FGGY: variants seen among roughly 807,000 people sequenced by gnomAD.
FGGY encodes FGGY carbohydrate kinase domain containing.
A neutral mutation model predicts 71.3 loss-of-function variants in FGGY; 72 were observed. That is an observed-to-expected ratio of 1.01 (90% CI 0.84 to 1.23). The LOEUF is 1.23. FGGY is among the 50% of genes most tolerant of loss of function. FGGY has a pLI of 0.00. For synonymous variants in FGGY, 251 were observed against 250.3 expected, an observed-to-expected ratio of 1.00 and a Z score of -0.02; for missense variants, 668 against 682.3, an observed-to-expected ratio of 0.98 and a Z score of 0.23.
rs184002775 is a variant in FGGY at position 59,574,783 on chromosome 1, T to C, written c.903+20556T>C. 1.3e-3 allele frequency among the ~76,000 whole-genome samples: 198 copies of C among 152,272 alleles called. 1 individual carries two copies. The highest frequency in any genetic ancestry group is 2.1e-3 in the South Asian group (10 of 4,826). On this transcript the variant is annotated intron_variant, in intron 8 of 15. Coordinates refer to ENST00000303721, the MANE Select transcript of FGGY (RefSeq NM_018291.5). ...ATAGAGAAATATATTTGACTTTTTT[T>C]AGAAAGTAAATTATTTGTTAATATG...
intron 14 of FGGY, among the ~76,000 whole-genome samples, chr1:59,687,262 C>T (rs1417311458): frequency 6.6e-6 from 1 of 152,138 alleles, no homozygotes; most frequent in Non-Finnish European, 1.5e-5. Flanking sequence ...AGCTCCCAGC[C>T]TCTCTCAGAT....
chr1:59,749,201 A>C (rs1398752073), intron 14 of FGGY, among the ~76,000 whole-genome samples: 1 of 152,102 alleles, frequency 6.6e-6, no homozygotes, highest in Non-Finnish European at 1.5e-5. Context: ...TTTATCCTTT[A>C]TAATAAACTG....
chr1:59,608,506 A>G (rs1350362223), intron 9 of FGGY, among the ~76,000 whole-genome samples: 1 of 152,134 alleles, frequency 6.6e-6, no homozygotes, highest in Non-Finnish European at 1.5e-5. Context: ...TTGGTTACTA[A>G]TCCCCTTTTC....
intron 9 of FGGY, among the ~76,000 whole-genome samples, chr1:59,612,420 G>A (rs375626681): frequency 1.2e-3 from 181 of 152,188 alleles, no homozygotes; most frequent in Non-Finnish European, 2.0e-3. Flanking sequence ...AAGGAGAAAT[G>A]AAATACTTTA....
At chr1:59,458,827 G>A (rs2091944687) in intron 6 of FGGY, among the ~76,000 whole-genome samples, 1 of 152,164 alleles carries the variant, frequency 6.6e-6, no homozygotes, top group Non-Finnish European at 1.5e-5. Flanking sequence ...TGTAGTTTCA[G>A]TCTGAACCCA....
chr1:59,658,203 TC>T (rs1338931115), intron 11 of FGGY, among the ~76,000 whole-genome samples: 1 of 152,170 alleles, frequency 6.6e-6, no homozygotes, highest in Non-Finnish European at 1.5e-5. Context: ...TTCTCTGTGT[TC>T]CCTTAGGCAC....
intron 7 of FGGY, among the ~76,000 whole-genome samples, chr1:59,549,806 C>T (rs1256464464): frequency 1.3e-5 from 2 of 152,092 alleles, no homozygotes; most frequent in Non-Finnish European, 2.9e-5. Flanking sequence ...AGTAGGGACT[C>T]AATGCTTGGG....
At chr1:59,428,475 C>A (rs893085086) in intron 5 of FGGY, among the ~76,000 whole-genome samples, 1 of 152,196 alleles carries the variant, frequency 6.6e-6, no homozygotes, top group South Asian at 2.1e-4. Flanking sequence ...TAATTAGATG[C>A]CAGTGTGTAT....
chr1:59,421,384 A>C (rs1213552240), intron 5 of FGGY, among the ~76,000 whole-genome samples: 5 of 152,138 alleles, frequency 3.3e-5, no homozygotes, highest in Non-Finnish European at 5.9e-5. Flanking sequence ...ATACATGCTG[A>C]AATATTTACA....
At chr1:59,413,997 C>A (rs1447844009) in intron 5 of FGGY, among the ~76,000 whole-genome samples, 1 of 152,034 alleles carries the variant, frequency 6.6e-6, no homozygotes, top group Non-Finnish European at 1.5e-5. Context: ...AGTGCTGGAC[C>A]CTTCTACATG....
At chr1:59,445,611 C>T (rs919706561) in intron 5 of FGGY, among the ~76,000 whole-genome samples, 9 of 152,218 alleles carry the variant, frequency 5.9e-5, no homozygotes, top group African/African-American at 2.2e-4. Context: ...GCCTATGGCA[C>T]ACATCTCCCG....
At chr1:59,561,234 A>G (rs1220599365) in intron 8 of FGGY, among the ~76,000 whole-genome samples, 1 of 152,288 alleles carries the variant, frequency 6.6e-6, no homozygotes, top group Non-Finnish European at 1.5e-5. Flanking sequence ...ACACCTAACA[A>G]TGAAAGTGCT....
intron 8 of FGGY, among the ~76,000 whole-genome samples, chr1:59,569,157 T>C (rs1172017253): frequency 6.6e-6 from 1 of 152,204 alleles, no homozygotes; most frequent in East Asian, 1.9e-4. Flanking sequence ...ATTCTGTGTA[T>C]AAACTTTCTA....
rs756558280 is a variant in FGGY at position 59,727,312 on chromosome 1, TTA to T, written c.1513-30615_1513-30614del. On this transcript the variant is annotated intron_variant, in intron 14 of 15. Coordinates refer to ENST00000303721, the MANE Select transcript of FGGY (RefSeq NM_018291.5). ...CACCATTGATGAACACCTAGGTTGATTATATGTCTTCACTATTATGAATAGCA... is the reference window on the plus strand; with the variant it reads ...CACCATTGATGAACACCTAGGTTGATTATGTCTTCACTATTATGAATAGCA... Among the ~76,000 whole-genome samples the T allele has an allele frequency of 2.8e-4, 42 of 152,328 alleles. 1 individual carries two copies. The highest frequency in any genetic ancestry group is 6.8e-3 in the Middle Eastern group (2 of 294).
At chr1:59,307,906 A>G (rs1455579594) in intron 1 of FGGY, among the ~76,000 whole-genome samples, 2 of 152,190 alleles carry the variant, frequency 1.3e-5, no homozygotes, top group African/African-American at 2.4e-5. Flanking sequence ...GTTTGTTCCT[A>G]TCAAGAACAA....
chr1:59,349,187 C>A (rs1219924147), intron 4 of FGGY, among the ~76,000 whole-genome samples: 1 of 152,148 alleles, frequency 6.6e-6, no homozygotes, highest in Non-Finnish European at 1.5e-5. Flanking sequence ...TGCTGGGCTC[C>A]AAATCTCAGC....
At position 59,512,355 on chromosome 1, in the gene FGGY, A is replaced by G; in HGVS notation, c.715A>G (p.Thr239Ala). ...PPGASLGNGLTPEAARDLGLL... is the reference protein window; with the variant it reads ...PPGASLGNGLAPEAARDLGLL... Reference sequence around the variant, plus strand: ...TGGAGCTTCTCTTGGAAATGGGCTCACACCAGAGGCAGCAAGAGACCTTGG... The same window carrying G: ...TGGAGCTTCTCTTGGAAATGGGCTCGCACCAGAGGCAGCAAGAGACCTTGG... The change falls in exon 7 of 16, where the codon ACA becomes GCA. Residue 239 changes from threonine (T) to alanine (A), a missense_variant. Around this residue, in one of 2 missense-constraint regions of FGGY, gnomAD observed 661 missense variants for 661.6 expected, o/e 1.00. Transcript: ENST00000303721. The G allele has an allele frequency of 1.2e-6, 2 of 1,613,528 alleles. No homozygotes were observed.
chr1:59,335,258 C>T (rs1343293117), intron 2 of FGGY, among the ~76,000 whole-genome samples: 1 of 152,090 alleles, frequency 6.6e-6, no homozygotes, highest in Non-Finnish European at 1.5e-5. Context: ...CGCTTTCTGT[C>T]TTTATAGGTG....
chr1:59,682,896 C>A (rs947546318), intron 14 of FGGY, among the ~76,000 whole-genome samples: 1 of 152,152 alleles, frequency 6.6e-6, no homozygotes, highest in African/African-American at 2.4e-5. Flanking sequence ...AATTATGTCA[C>A]CAAGTGTACT....
Sources: allele counts gnomAD v4.1 joint callset (sites outside exome capture counted in the v4.1 genomes callset), GRCh38; gene constraint gnomAD v4.1.1; regional missense constraint gnomAD v4.1.1; transcripts MANE v1.5; gene names NCBI Gene and HGNC (gene_info 2026-07-23, HGNC 2026-07-21).